Variants in URGCP observed in about 807,000 individuals in gnomAD.
URGCP encodes the protein upregulator of cell proliferation.
A neutral mutation model predicts 24.6 loss-of-function variants in URGCP; 13 were observed. The ratio of observed to expected loss-of-function variants is 0.53; its 90% CI spans 0.34 to 0.84. The LOEUF (loss-of-function observed/expected upper bound fraction) is 0.84, where lower values mean the gene tolerates loss of function less well. Among genes scored for constraint, URGCP ranks in the 40% least tolerant of loss-of-function variants. URGCP has a pLI of 0.01. For missense variants in URGCP, 899 were observed against 1,194.3 expected, an observed-to-expected ratio of 0.75 and a Z score of 3.64; for synonymous variants, 444 against 487.2, an observed-to-expected ratio of 0.91 and a Z score of 1.17.
intron 1 of URGCP, among the ~76,000 whole-genome samples, chr7:43,893,493 C>T (rs1013166693): frequency 6.6e-5 from 10 of 152,178 alleles, no homozygotes; most frequent in Admixed American, 3.3e-4. Context: ...TGTGCTCCAA[C>T]TAAATGGATT....
rs1181227060 is a variant in URGCP at position 43,883,321 on chromosome 7, AAT to A, written c.113-1366_113-1365del. ...CTAGGTTCCAAAATTTATATATATA[AAT>A]ATATATATATATACATATATATATA... is the stretch of plus-strand genomic sequence containing the variant. On this transcript the variant is annotated intron_variant, in intron 3 of 5. Coordinates refer to ENST00000453200, the MANE Select transcript of URGCP (RefSeq NM_001077663.3). 4.5e-3 allele frequency among the ~76,000 whole-genome samples: 600 copies of A among 134,536 alleles called. 6 individuals are homozygous for A. The highest frequency in any genetic ancestry group is 0.016 in the African/African-American group (548 of 35,268). 88.3% of individuals were successfully genotyped at this position (134,536 alleles called of 152,430 possible). A position where few individuals can be genotyped will look rare whatever the true frequency, so the allele number is the denominator to read the frequency against.
At chr7:43,887,333 G>C in intron 3 of URGCP, 82 bp downstream of exon 3, 1 of 1,520,882 alleles carries the variant, frequency 6.6e-7, no homozygotes, top group Non-Finnish European at 8.9e-7. Flanking sequence ...AGTCCAGGAG[G>C]GGCTGGAACC....
At chr7:43,916,643 C>T (rs898004850) in intron 1 of URGCP, among the ~76,000 whole-genome samples, 3 of 150,960 alleles carry the variant, frequency 2.0e-5, no homozygotes, top group Admixed American at 6.7e-5. Context: ...CTAGGGAATG[C>T]AAAGGCTATT....
chr7:43,899,600 T>C (rs1404312796), intron 1 of URGCP, among the ~76,000 whole-genome samples: 1 of 152,162 alleles, frequency 6.6e-6, no homozygotes, highest in African/African-American at 2.4e-5. Context: ...TCTAAAATAA[T>C]TTAAGGTTGC....
At chr7:43,905,970 C>T (rs1240485800) in intron 1 of URGCP, 1 of 152,148 alleles carries the variant, frequency 6.6e-6, no homozygotes, top group Non-Finnish European at 1.5e-5. Flanking sequence ...TAAGCGCAGC[C>T]ACCCCAAGGC....
At chr7:43,898,334 A>G (rs2095882584) in intron 1 of URGCP, among the ~76,000 whole-genome samples, 1 of 152,240 alleles carries the variant, frequency 6.6e-6, no homozygotes, top group Admixed American at 6.5e-5. Flanking sequence ...TATTATACAA[A>G]TAGGTTAGAA....
chr7:43,893,350 T>C (rs923539296), intron 1 of URGCP, among the ~76,000 whole-genome samples: 8 of 152,084 alleles, frequency 5.3e-5, no homozygotes. Flanking sequence ...TGTATTTTTT[T>C]AAAGTAAAAT....
chr7:43,903,401 T>C (rs1227275210), intron 1 of URGCP, among the ~76,000 whole-genome samples: 3 of 152,366 alleles, frequency 2.0e-5, no homozygotes, highest in South Asian at 4.1e-4. Flanking sequence ...TAGTTGTTTC[T>C]GTAAAGCTGT....
rs1232963112 is a variant in URGCP at position 43,920,056 on chromosome 7, G to A, written c.-116+6076C>T. On this transcript the variant is annotated intron_variant, in intron 1 of 5. Transcript: ENST00000426198. ...ACATCTCCTGGGGCACCCAGGAGCA[G>A]TGAGTCCCCTAGGACAGGGACCCTC... 4.6e-6 allele frequency: 6 copies of A among 1,305,110 alleles called. No individual in the cohort carries two copies. In the Admixed American group the frequency reaches 5.1e-5, roughly 11 times the overall value. The allele number at this position is 1,305,110 out of a possible 1,614,324, so 80.8% of individuals were successfully genotyped here. A position where few individuals can be genotyped will look rare whatever the true frequency, so the allele number is the denominator to read the frequency against.
At chr7:43,882,948 A>AG (rs2132657761) in intron 3 of URGCP, among the ~76,000 whole-genome samples, 1 of 152,300 alleles carries the variant, frequency 6.6e-6, no homozygotes, top group South Asian at 2.1e-4. Context: ...TTCCAGCATA[A>AG]GGAATTTTTG....
At chr7:43,896,209 A>T (rs1463991567) in intron 1 of URGCP, among the ~76,000 whole-genome samples, 1 of 152,136 alleles carries the variant, frequency 6.6e-6, no homozygotes, top group Non-Finnish European at 1.5e-5. Flanking sequence ...GTTGGTTAAG[A>T]TACAAAATTA....
Position 43,876,872 on chromosome 7 carries a change from C to T in URGCP, c.2591G>A (p.Gly864Asp). ...KQGDGFRALAGLAFCDPEKQH... is the reference protein window; with the variant it reads ...KQGDGFRALADLAFCDPEKQH... The stretch of plus-strand genomic sequence containing the variant: ...CTTCTCAGGGTCGCAGAAGGCCAGG[C>T]CTGCCAGTGCCCGGAAGCCGTCGCC... Residue 864 changes from glycine to aspartate, a missense_variant, in exon 6 of 6, where the codon GGC becomes GAC. Gly to Asp is a moderately conservative substitution (Grantham distance 94, BLOSUM62 -1). Transcript: ENST00000453200. 1 of 1,614,068 alleles carries T rather than the reference C, an allele frequency of 6.2e-7. No individual in the cohort carries two copies.
chr7:43,919,160 A>G (rs2095919146), intron 1 of URGCP: 3 of 870,028 alleles, frequency 3.4e-6, no homozygotes. Flanking sequence ...ACCTCTTAGA[A>G]TGGCTGAATG....
chr7:43,906,847 C>T (rs373874036), upstream of URGCP: 29 of 243,030 alleles, frequency 1.2e-4, 1 homozygote, highest in East Asian at 6.2e-4. Flanking sequence ...ACTCGCCGGG[C>T]GGTGCCTGCG....
intron 1 of URGCP, 44 bp from the exon 2 acceptor site, chr7:43,887,860 G>T: frequency 7.7e-7 from 1 of 1,301,510 alleles, no homozygotes; most frequent in Non-Finnish European, 1.1e-6. Flanking sequence ...GTTGATGCCA[G>T]CTTTATATAT....
chr7:43,898,787 AAATTT>A (rs2095883805), intron 1 of URGCP, among the ~76,000 whole-genome samples: 2 of 76,538 alleles, frequency 2.6e-5, no homozygotes, highest in African/African-American at 6.5e-5. Flanking sequence ...ATAAATAAAT[AAATTT>A]ATTTTAATTT....
chr7:43,899,372 G>GC (rs1409288374), intron 1 of URGCP, among the ~76,000 whole-genome samples: 1 of 149,078 alleles, frequency 6.7e-6, no homozygotes, highest in Non-Finnish European at 1.5e-5. Context: ...ATCTGCCTCA[G>GC]CCCCCCAAAA....
At chr7:43,918,537 T>C (rs974796283) in intron 1 of URGCP, among the ~76,000 whole-genome samples, 2 of 152,066 alleles carry the variant, frequency 1.3e-5, no homozygotes, top group African/African-American at 2.4e-5. Flanking sequence ...CACTTCGGCC[T>C]CCCAAAGTGC....
chr7:43,889,087 A>G (rs749122234), intron 1 of URGCP: 1 of 152,256 alleles, frequency 6.6e-6, no homozygotes, highest in Non-Finnish European at 1.5e-5. Context: ...GAAAACCAGC[A>G]ATTAGTGAGT....
Sources: gnomAD v4.1 joint callset for allele counts (sites outside exome capture counted in the v4.1 genomes callset) on GRCh38, gnomAD v4.1.1 for gene constraint, MANE v1.5 for transcripts, NCBI Gene and HGNC (gene_info 2026-07-23, HGNC 2026-07-21) for gene names.